The following NRTN variants were observed in gnomAD, a reference collection of about 807,000 sequenced individuals.
NRTN encodes neurturin, also known as prepro-neurturin.
In NRTN, 3 loss-of-function variants were observed where a neutral mutation model predicts 7.5. That is an observed-to-expected ratio of 0.40 (90% CI 0.18 to 1.03). NRTN has a LOEUF of 1.03. Ranked by LOEUF, NRTN falls within the 50% of genes least tolerant of loss-of-function variation. The pLI is 0.34. For synonymous variants in NRTN, 157 were observed against 146.6 expected (o/e 1.07, Z -0.51); for missense variants, 310 against 307.0 (o/e 1.01, Z -0.07).
rs745382580 is a variant in NRTN, at chr19:5,827,793, G to T, written c.214G>T (p.Glu72Ter). The T allele has an allele frequency of 5.0e-6, 6 of 1,204,688 alleles. No homozygotes were observed. In the African/African-American group the frequency reaches 6.4e-5, roughly 13 times the overall value. The allele number at this position is 1,204,688 out of a possible 1,614,324, so 74.6% of individuals were successfully genotyped here. A position where few individuals can be genotyped will look rare whatever the true frequency, so the allele number is the denominator to read the frequency against. Residue 72 changes from glutamate (E) to a stop codon, truncating the protein, a stop_gained, in exon 3 of 3, where the codon GAG (glutamate) becomes TAG (stop). Transcript: ENST00000303212. LOFTEE classifies it low-confidence loss of function (END_TRUNC). ...QGAPDAMELR[E>*]LTPWAGRPPG... Reference sequence around the variant, plus strand: ...GGCCCCGGATGCGATGGAGCTGCGCGAGCTGACGCCCTGGGCTGGGCGGCC... The same window carrying T: ...GGCCCCGGATGCGATGGAGCTGCGCTAGCTGACGCCCTGGGCTGGGCGGCC...
At position 5,827,932 on chromosome 19, in the gene NRTN, G is replaced by A; in HGVS notation, c.353G>A (p.Gly118Asp). 1 of 1,483,834 alleles carries A rather than the reference G, an allele frequency of 6.7e-7. No homozygotes were observed. Among genetic ancestry groups the A allele is most frequent in the Non-Finnish European group, 8.9e-7 (1 of 1,121,738 alleles). The allele number at this position is 1,483,834 out of a possible 1,614,324, so 91.9% of individuals were successfully genotyped here. Residue 118 changes from glycine to aspartate, a missense_variant, in exon 3 of 3, where the codon GGC becomes GAC. Physicochemically the swap from Gly to Asp is moderately conservative, Grantham distance 94 (BLOSUM62 -1). Transcript: ENST00000303212. ...GTGCGCGTGAGCGAGCTGGGCCTGG[G>A]CTACGCGTCCGACGAGACGGTGCTG... Reference protein sequence around the residue: ...LEVRVSELGLGYASDETVLFR... With the variant: ...LEVRVSELGLDYASDETVLFR...
chr19:5,814,160 C>A (rs1053426115), intron 1 of NRTN, among the ~76,000 whole-genome samples: 4 of 152,108 alleles, frequency 2.6e-5, no homozygotes, highest in Non-Finnish European at 5.9e-5. Context: ...AAACTGAATT[C>A]TCAAAGTCAG....
intron 1 of NRTN, among the ~76,000 whole-genome samples, chr19:5,819,321 G>A (rs1431196111): frequency 6.6e-6 from 1 of 152,210 alleles, no homozygotes; most frequent in Non-Finnish European, 1.5e-5. Flanking sequence ...GAGCCCAGGA[G>A]TTCAAGACCA....
At position 5,810,708 on chromosome 19, in the gene NRTN, C is replaced by T. The variant is rs576352328; in HGVS notation, c.-399+5257C>T. Among the ~76,000 whole-genome samples the T allele has an allele frequency of 1.1e-4, 17 of 151,330 alleles. 1 individual carries two copies. Among genetic ancestry groups the T allele is most frequent in the Admixed American group, 6.6e-4 (10 of 15,186 alleles). ...CAGCACTTTGGGAGGCCGAGGCGGG[C>T]GGATCACGAGGTCAGATCAAGACCA... On this transcript the variant is annotated intron_variant, in intron 1 of 2. Transcript: ENST00000303212.
chr19:5,828,311 G>C lies in NRTN; in HGVS notation c.*138G>C. The C allele has an allele frequency of 4.1e-6, 4 of 965,070 alleles. No homozygotes were observed. The highest frequency in any genetic ancestry group is 5.8e-6 in the Non-Finnish European group (4 of 691,852). The allele number at this position is 965,070 out of a possible 1,614,324, so 59.8% of individuals were successfully genotyped here. On this transcript the variant is annotated 3_prime_UTR_variant, in exon 3 of 3. Transcript: ENST00000303212. ...CTCGCGATAACTGTACTGAGATAAA[G>C]TGTGGCAACTCGAGCTGGCTGGTGA...
intron 2 of NRTN, 96 bp downstream of exon 2, chr19:5,824,430 T>A: frequency 1.4e-6 from 2 of 1,471,002 alleles, no homozygotes; most frequent in South Asian, 2.4e-5. Context: ...GTCATAGGTT[T>A]TTTAAAGATA....
intron 1 of NRTN, among the ~76,000 whole-genome samples, chr19:5,817,437 AAGG>A (rs2057008409): frequency 8.8e-6 from 1 of 114,004 alleles, no homozygotes; most frequent in Non-Finnish European, 1.8e-5. Context: ...GAAAGAGAGA[AAGG>A]AAGGAAGGAA....
chr19:5,811,847 G>A (rs1451446554), intron 1 of NRTN, among the ~76,000 whole-genome samples: 2 of 150,798 alleles, frequency 1.3e-5, no homozygotes, highest in East Asian at 2.0e-4. Flanking sequence ...CACCGCACCC[G>A]GCCCAGTTAT....
intron 2 of NRTN, 46 bp from the exon 3 acceptor site, chr19:5,827,703 C>G (rs2057051982): frequency 1.3e-6 from 1 of 787,630 alleles, no homozygotes; most frequent in Admixed American, 4.2e-5. Flanking sequence ...CCCTCCCACC[C>G]CCTGCACCCA....
In NRTN at chr19:5,806,577, C is replaced by G. The variant is rs1429415789; in HGVS notation, c.-399+1126C>G. Among the ~76,000 whole-genome samples the G allele has an allele frequency of 6.6e-6, 1 of 152,162 alleles. No homozygotes were observed. The highest frequency in any genetic ancestry group is 1.5e-5 in the Non-Finnish European group (1 of 68,030). On this transcript the variant is annotated intron_variant, in intron 1 of 2. Coordinates refer to ENST00000303212, the MANE Select transcript of NRTN (RefSeq NM_004558.5). This position sits in a 1 kb window ranked among gnomAD's most constrained non-coding sequence, Gnocchi z 5.4. ...AGGGGCAGGATCCCACCCACACTGC[C>G]AGCTTCTCCCACCCCCAGCTTCTTG...
At chr19:5,805,553 A>G (rs2056972720) in intron 1 of NRTN, among the ~76,000 whole-genome samples, 102 bp downstream of exon 1, 1 of 151,646 alleles carries the variant, frequency 6.6e-6, no homozygotes, top group African/African-American at 2.4e-5. Context: ...CTCCGAGTAG[A>G]CCAGGGGATT....
At chr19:5,810,048 G>A (rs564859702) in intron 1 of NRTN, among the ~76,000 whole-genome samples, 93 of 151,920 alleles carry the variant, frequency 6.1e-4, no homozygotes, top group African/African-American at 2.1e-3. Flanking sequence ...GGCGGATCAC[G>A]AGGTCAGGAG....
Position 5,824,222 on chromosome 19 carries a change from C to A in NRTN, c.57C>A (p.Ser19=). The A allele has an allele frequency of 6.2e-7, 1 of 1,612,356 alleles. No homozygotes were observed. The change falls in exon 2 of 3, where the codon TCC becomes TCA. Residue 19 remains serine (S), a synonymous_variant. Coordinates refer to ENST00000303212, the MANE Select transcript of NRTN (RefSeq NM_004558.5). The part of the protein sequence containing the change: ...LASVLCSSVL[S]IWMCREGLLL... ...CAGTGCTCTGCAGCTCCGTGCTGTC[C>A]ATCTGGATGTGTCGAGAGGGCCTGC... is the stretch of plus-strand genomic sequence containing the variant.
rs976994107 is a variant in NRTN at position 5,826,439 on chromosome 19, T to G, written c.170-1310T>G. 3.9e-5 allele frequency among the ~76,000 whole-genome samples: 6 copies of G among 152,196 alleles called. No individual in the cohort carries two copies. The East Asian group carries it at 1.2e-3, about 29-fold the overall frequency. On this transcript the variant is annotated intron_variant, in intron 2 of 2. Coordinates refer to ENST00000303212, the MANE Select transcript of NRTN (RefSeq NM_004558.5). ...GGAAACTGAGGCCTGAGGTTGCAAG[T>G]GGCGAAAGTGGCAGAGTCATGCTCT...
chr19:5,828,031 G>A lies in NRTN; in HGVS notation c.452G>A (p.Arg151Gln). 1.4e-6 allele frequency: 2 copies of A among 1,418,884 alleles called. No homozygotes were observed. The highest frequency in any genetic ancestry group is 1.5e-5 in the South Asian group (1 of 67,430). The allele number at this position is 1,418,884 out of a possible 1,614,324, so 87.9% of individuals were successfully genotyped here. Residue 151 changes from arginine to glutamine, a missense_variant, in exon 3 of 3, where the codon CGG (arginine) becomes CAG (glutamine). By Grantham distance (43) the Arg-to-Gln change is conservative (BLOSUM62 1). Transcript: ENST00000303212. ...CTCGGGCTGCGACGACTGCGCCAGC[G>A]GCGGCGCCTGCGGCGGGAGCGGGTG... ...YDLGLRRLRQ[R>Q]RRLRRERVRA...
intron 1 of NRTN, among the ~76,000 whole-genome samples, chr19:5,822,187 C>G (rs79203077): frequency 6.6e-6 from 1 of 151,966 alleles, no homozygotes. Flanking sequence ...ACACGAGGCG[C>G]GGTCCATGCA....
chr19:5,810,085 G>A (rs935175306), intron 1 of NRTN, among the ~76,000 whole-genome samples: 1 of 151,496 alleles, frequency 6.6e-6, no homozygotes. Flanking sequence ...CTAACATGGC[G>A]AAACCCCGTC....
chr19:5,810,207 T>C (rs2056985745), intron 1 of NRTN, among the ~76,000 whole-genome samples: 1 of 145,584 alleles, frequency 6.9e-6, no homozygotes, highest in Non-Finnish European at 1.5e-5. Flanking sequence ...GCAGAGCTTG[T>C]AGTGAGCCGA....
chr19:5,827,714 C>G, intron 2 of NRTN, 35 bp from the exon 3 acceptor site: 1 of 1,035,276 alleles, frequency 9.7e-7, no homozygotes, highest in Non-Finnish European at 1.2e-6. Context: ...CCTGCACCCA[C>G]TGACCCCCCC....
Sources: allele counts gnomAD v4.1 joint callset (sites outside exome capture counted in the v4.1 genomes callset), GRCh38; gene constraint gnomAD v4.1.1; non-coding constraint Gnocchi (gnomAD v3.1); transcripts MANE v1.5; gene names NCBI Gene and HGNC (gene_info 2026-07-23, HGNC 2026-07-21).